Variants in ATF6 observed in about 807,000 individuals in gnomAD.
ATF6 encodes the protein activating transcription factor 6, also known as cyclic AMP-dependent transcription factor ATF-6 alpha.
In ATF6, 53 loss-of-function variants were observed where a neutral mutation model predicts 83.6. The ratio of observed to expected loss-of-function variants is 0.63; its 90% CI spans 0.51 to 0.80. ATF6 has a LOEUF of 0.80. Among genes scored for constraint, ATF6 ranks in the 30% least tolerant of loss-of-function variants. The pLI, the probability that ATF6 is intolerant of heterozygous loss-of-function variation, is 0.00. For missense variants in ATF6, 744 were observed against 797.9 expected (o/e 0.93, Z 0.81); for synonymous variants, 288 against 285.8 (o/e 1.01, Z -0.08).
intron 7 of ATF6, among the ~76,000 whole-genome samples, chr1:161,814,803 T>A (rs921950443): frequency 6.6e-6 from 1 of 152,232 alleles, no homozygotes; most frequent in South Asian, 2.1e-4. Flanking sequence ...AGTTTTTTAA[T>A]GTATTTGAAT....
At position 161,791,466 on chromosome 1, in the gene ATF6, A is replaced by G. The variant is rs1684879300; in HGVS notation, c.413A>G (p.Asn138Ser). 7 of 1,612,204 alleles carry G rather than the reference A, an allele frequency of 4.3e-6. No individual in the cohort carries two copies. Among genetic ancestry groups the G allele is most frequent in the Non-Finnish European group, 5.9e-6 (7 of 1,179,424 alleles). ...QMSPLSLYGE[N>S]SNSLSSAEPL... ...TCTCCCCTTTCCTTATATGGTGAAA[A>G]CTCTAATAGTCTCTCTTCAGCGGAG... The change falls in exon 5 of 16, where the codon AAC (asparagine) becomes AGC (serine). Residue 138 changes from asparagine to serine, a missense_variant. Transcript: ENST00000367942.
intron 6 of ATF6, among the ~76,000 whole-genome samples, chr1:161,799,104 A>G (rs1425888185): frequency 2.6e-5 from 4 of 152,352 alleles, no homozygotes. Context: ...GTATATACCC[A>G]AGGGAATATA....
intron 15 of ATF6, among the ~76,000 whole-genome samples, chr1:161,920,294 CTTTT>C (rs71798307): frequency 7.3e-5 from 4 of 54,840 alleles, no homozygotes; most frequent in Admixed American, 4.4e-4. Context: ...CTCTCTCTCT[CTTTT>C]TTTTTTTTTT....
At chr1:161,923,159 C>T (rs915871686) in intron 15 of ATF6, among the ~76,000 whole-genome samples, 1 of 152,132 alleles carries the variant, frequency 6.6e-6, no homozygotes, top group Non-Finnish European at 1.5e-5. Flanking sequence ...CTTAATGTAA[C>T]CACCTCTCAT....
rs917704463 is a variant in ATF6 at position 161,959,353 on chromosome 1, T to A, written c.*699T>A. Reference sequence around the variant, plus strand: ...GGTAAGGGAAGGGCCAGTGGTGGGGTTTGGAGAGAGGAGATAGCTCCATTA... The same window carrying A: ...GGTAAGGGAAGGGCCAGTGGTGGGGATTGGAGAGAGGAGATAGCTCCATTA... On this transcript the variant is annotated 3_prime_UTR_variant, in exon 16 of 16. Transcript: ENST00000367942. 2.0e-5 allele frequency: 3 copies of A among 151,724 alleles called. No individual in the cohort carries two copies. Among genetic ancestry groups the A allele is most frequent in the Admixed American group, 1.3e-4 (2 of 15,242 alleles). 9.4% of individuals were successfully genotyped at this position (151,724 alleles called of 1,614,324 possible). A position where few individuals can be genotyped will look rare whatever the true frequency, so the allele number is the denominator to read the frequency against.
At chr1:161,951,024 CT>C (rs1440419319) in intron 15 of ATF6, among the ~76,000 whole-genome samples, 1 of 152,154 alleles carries the variant, frequency 6.6e-6, no homozygotes, top group East Asian at 1.9e-4. Flanking sequence ...AGTCTTTGAA[CT>C]TTAATGGAAT....
intron 9 of ATF6, among the ~76,000 whole-genome samples, chr1:161,832,061 A>C (rs978422976): frequency 1.3e-5 from 2 of 152,144 alleles, no homozygotes; most frequent in African/African-American, 4.8e-5. Flanking sequence ...ACCACCATGA[A>C]TAAGAGTTAG....
intron 15 of ATF6, among the ~76,000 whole-genome samples, chr1:161,917,008 C>T (rs1246760559): frequency 1.3e-5 from 2 of 152,202 alleles, no homozygotes; most frequent in Admixed American, 6.5e-5. Flanking sequence ...CCTCAGTCAG[C>T]TTATCCAGCT....
At chr1:161,899,684 A>G (rs1327912626) in intron 14 of ATF6, among the ~76,000 whole-genome samples, 1 of 152,132 alleles carries the variant, frequency 6.6e-6, no homozygotes, top group African/African-American at 2.4e-5. Context: ...AGTGTAGTCA[A>G]CTCAAAACTC....
intron 9 of ATF6, among the ~76,000 whole-genome samples, chr1:161,825,004 AG>A (rs1302308627): frequency 3.3e-5 from 5 of 152,220 alleles, no homozygotes; most frequent in Admixed American, 2.0e-4. Context: ...TTCTACACTG[AG>A]CAATTCTCCA....
At chr1:161,947,974 G>A (rs184526379) in intron 15 of ATF6, among the ~76,000 whole-genome samples, 55 of 151,868 alleles carry the variant, frequency 3.6e-4, no homozygotes, top group African/African-American at 1.3e-3. Context: ...ATAGGTGTGC[G>A]CCACCACATC....
chr1:161,804,980 G>A (rs531686545), intron 7 of ATF6, among the ~76,000 whole-genome samples: 1 of 152,092 alleles, frequency 6.6e-6, no homozygotes, highest in Non-Finnish European at 1.5e-5. Flanking sequence ...GTATGTCACT[G>A]CTAAAAATAT....
intron 7 of ATF6, among the ~76,000 whole-genome samples, chr1:161,805,467 G>A (rs1250351945): frequency 3.0e-4 from 46 of 152,116 alleles, no homozygotes; most frequent in Admixed American, 3.0e-3. Flanking sequence ...CGAGACGTGA[G>A]CCAAGCCTTT....
At chr1:161,863,153 G>A (rs745868966) in intron 13 of ATF6, 45 bp from the exon 14 acceptor site, 1 of 1,214,552 alleles carries the variant, frequency 8.2e-7, no homozygotes, top group East Asian at 2.4e-5. Context: ...TGGGAAAACA[G>A]GAAACTTTTT....
chr1:161,930,587 G>A (rs1388728093), intron 15 of ATF6, among the ~76,000 whole-genome samples: 1 of 152,176 alleles, frequency 6.6e-6, no homozygotes, highest in Non-Finnish European at 1.5e-5. Flanking sequence ...GTCAGTTACT[G>A]TTTTGATTTG....
In ATF6 at chr1:161,906,435, A is replaced by T. The variant is rs142001539; in HGVS notation, c.1720-5861A>T. ...TAGATTGAACCTTATGAAATTACTG[A>T]TATTTGACTCACCAAAATGACAGTT... On this transcript the variant is annotated intron_variant, in intron 14 of 15. Coordinates refer to ENST00000367942, the MANE Select transcript of ATF6 (RefSeq NM_007348.4). Among the ~76,000 whole-genome samples the T allele has an allele frequency of 2.7e-3, 407 of 152,332 alleles. 5 individuals are homozygous for T. The highest frequency in any genetic ancestry group is 9.6e-3 in the African/African-American group (398 of 41,568).
At chr1:161,912,237 G>T in intron 14 of ATF6, 59 bp from the exon 15 acceptor site, 4 of 1,168,912 alleles carry the variant, frequency 3.4e-6, no homozygotes, top group Non-Finnish European at 4.8e-6. Context: ...CCTGAATTTG[G>T]CCTGTTCTAG....
At chr1:161,768,942 T>A (rs1320949059) in intron 1 of ATF6, among the ~76,000 whole-genome samples, 1 of 152,230 alleles carries the variant, frequency 6.6e-6, no homozygotes, top group African/African-American at 2.4e-5. Flanking sequence ...TGTCCTGTGA[T>A]TTTAACAACT....
intron 10 of ATF6, among the ~76,000 whole-genome samples, chr1:161,849,589 TC>T (rs1410905876): frequency 2.0e-5 from 3 of 152,158 alleles, no homozygotes; most frequent in Non-Finnish European, 2.9e-5. Flanking sequence ...TTTTTTAGTT[TC>T]CTTTTTTTAT....
Sources: allele counts gnomAD v4.1 joint callset (sites outside exome capture counted in the v4.1 genomes callset), GRCh38; gene constraint gnomAD v4.1.1; transcripts MANE v1.5; gene names NCBI Gene and HGNC (gene_info 2026-07-23, HGNC 2026-07-21).